The following RBFOX1 variants were observed in gnomAD, a reference collection of about 807,000 sequenced individuals.
The protein encoded by RBFOX1 is RNA binding fox-1 homolog 1.
In RBFOX1, 8 loss-of-function variants were observed where a neutral mutation model predicts 57.7. That is an observed-to-expected ratio of 0.14 (90% CI 0.08 to 0.25). RBFOX1 has a LOEUF of 0.25. Among genes scored for constraint, RBFOX1 ranks in the 10% least tolerant of loss-of-function variants. RBFOX1 has a pLI of 1.00. For missense variants in RBFOX1, 611 were observed against 548.5 expected (o/e 1.11, Z -1.14); for synonymous variants, 326 against 222.4 (o/e 1.47, Z -4.15).
intron 1 of RBFOX1, among the ~76,000 whole-genome samples, chr16:5,376,679 A>G (rs2065992883): frequency 6.8e-6 from 1 of 147,186 alleles, no homozygotes; most frequent in Admixed American, 6.6e-5. Flanking sequence ...TGCGGGTACC[A>G]TTGGTTCTTG....
chr16:6,641,762 AAAAAAAAAAAAAAAAAT>A lies in RBFOX1; in HGVS notation c.-63-12839_-63-12823del, dbSNP rs1386352765. On this transcript the variant is annotated intron_variant, in intron 2 of 15. Coordinates refer to ENST00000550418, the MANE Select transcript of RBFOX1 (RefSeq NM_018723.4). ...AAAAAAAAAAAAAAAAAAAAAAAAAAAAAAAAAAAAAAAAAATAGGTTCTGCCCTGAGCCTTTCAGGC... is the reference window on the plus strand; with the variant it reads ...AAAAAAAAAAAAAAAAAAAAAAAAAAAGGTTCTGCCCTGAGCCTTTCAGGC... Among the ~76,000 whole-genome samples, 104 of 22,872 alleles carry A rather than the reference AAAAAAAAAAAAAAAAAT, an allele frequency of 4.5e-3. 3 individuals carry two copies. The highest frequency in any genetic ancestry group is 0.012 in the African/African-American group (96 of 7,844). The allele number at this position is 22,872 out of a possible 152,430, so 15.0% of individuals were successfully genotyped here. A position where few individuals can be genotyped will look rare whatever the true frequency, so the allele number is the denominator to read the frequency against.
At chr16:6,591,822 C>T (rs2097715367) in intron 2 of RBFOX1, among the ~76,000 whole-genome samples, 1 of 152,058 alleles carries the variant, frequency 6.6e-6, no homozygotes, top group South Asian at 2.1e-4. Flanking sequence ...CTTTTTAAAA[C>T]AAGATTAACG....
chr16:6,013,667 C>A (rs543981258), intron 4 of RBFOX1, among the ~76,000 whole-genome samples: 15 of 152,164 alleles, frequency 9.9e-5, no homozygotes, highest in Non-Finnish European at 1.9e-4. Flanking sequence ...TCCTTTCAAG[C>A]TTTGGTTTGC....
intron 3 of RBFOX1, among the ~76,000 whole-genome samples, chr16:6,905,853 A>G (rs1371342620): frequency 6.6e-6 from 1 of 152,194 alleles, no homozygotes; most frequent in Non-Finnish European, 1.5e-5. Context: ...CTGTATGTTT[A>G]TTCCCTGGCC....
At chr16:5,445,952 T>C (rs1597097127) in intron 1 of RBFOX1, among the ~76,000 whole-genome samples, 3 of 152,210 alleles carry the variant, frequency 2.0e-5, no homozygotes, top group South Asian at 2.1e-4. Context: ...AAGAAGAACA[T>C]TGAGTTTGAA....
intron 4 of RBFOX1, among the ~76,000 whole-genome samples, chr16:7,504,243 A>C (rs1274588858): frequency 6.6e-6 from 1 of 152,026 alleles, no homozygotes; most frequent in Non-Finnish European, 1.5e-5. Flanking sequence ...TGTGGGTTGC[A>C]TTGATGGAAG....
At chr16:5,292,325 A>T (rs2063554709) in intron 1 of RBFOX1, among the ~76,000 whole-genome samples, 1 of 152,224 alleles carries the variant, frequency 6.6e-6, no homozygotes, top group Admixed American at 6.5e-5. Context: ...TGTGCAGTGA[A>T]GGAAAAGTTG....
chr16:7,179,222 ATTT>A (rs5815380), intron 4 of RBFOX1, among the ~76,000 whole-genome samples: 19 of 145,140 alleles, frequency 1.3e-4, no homozygotes, highest in Admixed American at 3.4e-4. Flanking sequence ...CTTAACCGGG[ATTT>A]TTTTTTTTTT....
intron 3 of RBFOX1, among the ~76,000 whole-genome samples, chr16:6,800,094 G>C (rs532192979): frequency 6.6e-6 from 1 of 152,074 alleles, no homozygotes; most frequent in East Asian, 1.9e-4. Context: ...TCATGGTGCT[G>C]GTAGGATTGT....
rs1264299680 is a variant in RBFOX1 at position 6,654,593 on chromosome 16, C to T, written c.-63-10C>T. 6.7e-7 allele frequency: 1 copy of T among 1,503,258 alleles called. No individual in the cohort carries two copies. Among genetic ancestry groups the T allele is most frequent in the South Asian group, 1.3e-5 (1 of 78,200 alleles). The allele number at this position is 1,503,258 out of a possible 1,614,324, so 93.1% of individuals were successfully genotyped here. ...TTCTCTCACTTTCCTTTCTTTTCTTCTCTTCTCAGGATATCAAAGCAGACT... is the reference window on the plus strand; with the variant it reads ...TTCTCTCACTTTCCTTTCTTTTCTTTTCTTCTCAGGATATCAAAGCAGACT... On this transcript the variant is annotated splice_polypyrimidine_tract_variant and intron_variant, in intron 2 of 15. Coordinates refer to ENST00000550418, the MANE Select transcript of RBFOX1 (RefSeq NM_018723.4).
intron 1 of RBFOX1, among the ~76,000 whole-genome samples, chr16:5,328,960 C>G (rs916416623): frequency 6.6e-6 from 1 of 152,224 alleles, no homozygotes; most frequent in Non-Finnish European, 1.5e-5. Flanking sequence ...CTTCCGAATA[C>G]TTTATTTCTC....
chr16:5,360,222 G>T (rs969204230), intron 1 of RBFOX1, among the ~76,000 whole-genome samples: 1 of 152,232 alleles, frequency 6.6e-6, no homozygotes, highest in African/African-American at 2.4e-5. Context: ...TGCCTGGCTA[G>T]CTCTGTGTGC....
chr16:6,949,808 C>T (rs11866041), intron 3 of RBFOX1, among the ~76,000 whole-genome samples: 27 of 151,540 alleles, frequency 1.8e-4, no homozygotes, highest in Middle Eastern at 3.4e-3. Flanking sequence ...TTTTTTTTTT[C>T]TGTGTGTGTA....
At chr16:6,250,306 C>G (rs562877521) in intron 1 of RBFOX1, among the ~76,000 whole-genome samples, 1 of 152,258 alleles carries the variant, frequency 6.6e-6, no homozygotes, top group East Asian at 1.9e-4. Flanking sequence ...CAGTCCACTG[C>G]TCATTAGAAT....
At chr16:6,499,376 TAAAA>T (rs202069512) in intron 2 of RBFOX1, among the ~76,000 whole-genome samples, 3 of 148,158 alleles carry the variant, frequency 2.0e-5, no homozygotes, top group African/African-American at 7.4e-5. Context: ...CAGCCATGTG[TAAAA>T]AAAAAAGGTA....
chr16:6,428,618 A>C (rs1327082982), intron 2 of RBFOX1, among the ~76,000 whole-genome samples: 1 of 152,210 alleles, frequency 6.6e-6, no homozygotes. Context: ...CTTAACACAC[A>C]CTGGATAATA....
At chr16:5,932,036 T>C (rs918330465) in intron 4 of RBFOX1, among the ~76,000 whole-genome samples, 1 of 152,184 alleles carries the variant, frequency 6.6e-6, no homozygotes, top group African/African-American at 2.4e-5. Flanking sequence ...ACTCTTGGAC[T>C]CAAGCAGTCC....
chr16:6,405,879 G>A lies in RBFOX1; in HGVS notation c.-64+88822G>A, dbSNP rs186765690. On this transcript the variant is annotated intron_variant, in intron 2 of 15. Coordinates refer to ENST00000550418, the MANE Select transcript of RBFOX1 (RefSeq NM_018723.4). ...GAGAAAACAACTTCTATTACAAAATGCAATGGTTTAACCTCCTTTCCACAG... is the reference window on the plus strand; with the variant it reads ...GAGAAAACAACTTCTATTACAAAATACAATGGTTTAACCTCCTTTCCACAG... 1.5e-3 allele frequency among the ~76,000 whole-genome samples: 230 copies of A among 152,296 alleles called. 1 individual carries two copies. Among genetic ancestry groups the A allele is most frequent in the Admixed American group, 3.4e-3 (52 of 15,298 alleles).
intron 2 of RBFOX1, among the ~76,000 whole-genome samples, chr16:6,509,340 C>G (rs2096197837): frequency 6.6e-6 from 1 of 152,124 alleles, no homozygotes; most frequent in Non-Finnish European, 1.5e-5. Context: ...ACACAGTGGA[C>G]TACTATTCAG....
Sources: gnomAD v4.1 joint callset for allele counts (sites outside exome capture counted in the v4.1 genomes callset) on GRCh38, gnomAD v4.1.1 for gene constraint, MANE v1.5 for transcripts, NCBI Gene and HGNC (gene_info 2026-07-23, HGNC 2026-07-21) for gene names.